Variants in TMEM268 observed in about 807,000 individuals in gnomAD.
TMEM268 encodes transmembrane protein C9orf91.
Under a neutral mutation model 39.1 loss-of-function variants are expected in TMEM268, and 24 were observed. The ratio of observed to expected loss-of-function variants is 0.61; its 90% confidence interval spans 0.44 to 0.86. The LOEUF is 0.86. Among genes scored for constraint, TMEM268 ranks in the 40% least tolerant of loss-of-function variants. The probability of loss-of-function intolerance (pLI) is 0.00; values close to 1 mark genes in which losing one functional copy is unlikely to be tolerated. For synonymous variants in TMEM268, 176 were observed against 173.5 expected (o/e 1.01, Z -0.12); for missense variants, 409 against 428.6 (o/e 0.95, Z 0.40).
At chr9:114,637,429 A>T (rs1344236911) in intron 7 of TMEM268, among the ~76,000 whole-genome samples, 1 of 151,678 alleles carries the variant, frequency 6.6e-6, no homozygotes, top group African/African-American at 2.4e-5. Flanking sequence ...AGTAGCTGGA[A>T]TTACAGGTGC....
Position 114,611,346 on chromosome 9 carries a change from C to T in TMEM268, c.-297C>T, listed in dbSNP as rs1337921086. On this transcript the variant is annotated 5_prime_UTR_variant, in exon 1 of 9. Coordinates refer to ENST00000288502, the MANE Select transcript of TMEM268 (RefSeq NM_153045.4). ...CGCGGGCCCGGGAGGCGCGTTCCCT[C>T]TTGGCCCCAAAGCGAGTCCGGCGGG... 6.6e-6 allele frequency: 1 copy of T among 152,024 alleles called. No individual in the cohort carries two copies. Among genetic ancestry groups the T allele is most frequent in the Non-Finnish European group, 1.5e-5 (1 of 67,928 alleles). The allele number at this position is 152,024 out of a possible 1,614,324, so 9.4% of individuals were successfully genotyped here. A position where few individuals can be genotyped will look rare whatever the true frequency, so the allele number is the denominator to read the frequency against.
At chr9:114,622,618 C>A in intron 2 of TMEM268, 1 of 524,916 alleles carries the variant, frequency 1.9e-6, no homozygotes, top group Non-Finnish European at 2.4e-6. Context: ...AGGGCGGGGG[C>A]TTTGGTAGCA....
intron 8 of TMEM268, among the ~76,000 whole-genome samples, chr9:114,641,621 GC>G (rs1827341066): frequency 6.6e-6 from 1 of 152,006 alleles, no homozygotes; most frequent in African/African-American, 2.4e-5. Flanking sequence ...ACCAGCCTGA[GC>G]AACATAGTAA....
chr9:114,621,245 T>C (rs117350011), intron 2 of TMEM268, among the ~76,000 whole-genome samples: 5,797 of 151,528 alleles, frequency 0.038, 191 homozygotes, highest in East Asian at 0.1. Context: ...CTTGGGAGGC[T>C]GACGTGGGAG....
chr9:114,628,391 A>G, intron 5 of TMEM268, 141 bp downstream of exon 5: 1 of 880,494 alleles, frequency 1.1e-6, no homozygotes, highest in African/African-American at 1.7e-5. Context: ...AGTGACTAAA[A>G]GAAATCAAAT....
chr9:114,616,495 A>T (rs987408335), intron 1 of TMEM268, among the ~76,000 whole-genome samples: 4 of 151,830 alleles, frequency 2.6e-5, no homozygotes, highest in Non-Finnish European at 5.9e-5. Context: ...CCTCCTGAGT[A>T]GCTGGGATTA....
Position 114,626,985 on chromosome 9 carries a change from T to C in TMEM268, c.303T>C (p.Pro101=), listed in dbSNP as rs142772339. The C allele has an allele frequency of 4.6e-4, 747 of 1,612,596 alleles. 7 individuals are homozygous for C. The East Asian group carries it at 0.016, about 34-fold the overall frequency. ...GATATATCATCTACAACTCGAGGCC[T>C]ATGCGGCTGGCCTTTGCTGTGGTAA... is the stretch of plus-strand genomic sequence containing the variant. ...VRRYIIYNSR[P]MRLAFAVVFY... is the part of the protein sequence containing the mutation. Residue 101 remains proline, a synonymous_variant, in exon 4 of 9, where the codon CCT becomes CCC. Transcript: ENST00000288502.
At chr9:114,623,625 G>T (rs1846033888) in intron 2 of TMEM268, among the ~76,000 whole-genome samples, 1 of 152,106 alleles carries the variant, frequency 6.6e-6, no homozygotes, top group South Asian at 2.1e-4. Context: ...CTCCCTCCAT[G>T]GTCAAAGCGA....
chr9:114,625,455 T>G (rs1846118363), intron 3 of TMEM268, among the ~76,000 whole-genome samples: 1 of 151,160 alleles, frequency 6.6e-6, no homozygotes, highest in Non-Finnish European at 1.5e-5. Context: ...TTTTTTTTTT[T>G]TTTTTTCAAG....
chr9:114,640,576 G>GC (rs1846861097), intron 8 of TMEM268, among the ~76,000 whole-genome samples: 1 of 152,214 alleles, frequency 6.6e-6, no homozygotes, highest in South Asian at 2.1e-4. Flanking sequence ...AGTGCAGTAA[G>GC]CCCATGGCAG....
chr9:114,640,591 C>T (rs1156396059), intron 8 of TMEM268, among the ~76,000 whole-genome samples: 1 of 152,234 alleles, frequency 6.6e-6, no homozygotes, highest in Non-Finnish European at 1.5e-5. Flanking sequence ...TGGCAGAAGC[C>T]AGCCCTGCTG....
At chr9:114,612,061 A>C (rs988640824) in intron 1 of TMEM268, among the ~76,000 whole-genome samples, 1 of 152,138 alleles carries the variant, frequency 6.6e-6, no homozygotes, top group Non-Finnish European at 1.5e-5. Flanking sequence ...GCTCGGACTC[A>C]TTGTGTCTCA....
In TMEM268 at chr9:114,633,835, TG is replaced by T. The variant is rs2133686220; in HGVS notation, c.547del (p.Val183Ter). The T allele has an allele frequency of 6.2e-7, 1 of 1,607,878 alleles. No individual in the cohort carries two copies. Among genetic ancestry groups the T allele is most frequent in the Non-Finnish European group, 8.5e-7 (1 of 1,177,084 alleles). ...GCCCTCCTGAGACACCGGGTGCTGCTGGGGGTGACAGACACAGTGGAAGGAT... is the reference window on the plus strand; with the variant it reads ...GCCCTCCTGAGACACCGGGTGCTGCTGGGGTGACAGACACAGTGGAAGGAT... ...NGALLRHRVL[L>X]GVTDTVEGCQ... On this transcript the variant is annotated frameshift_variant, in exon 6 of 9. Coordinates refer to ENST00000288502, the MANE Select transcript of TMEM268 (RefSeq NM_153045.4). LOFTEE classifies it high-confidence loss of function.
In TMEM268 at chr9:114,624,385, A is replaced by G. The variant is rs1846072545; in HGVS notation, c.142A>G (p.Ile48Val). The change falls in exon 3 of 9, where the codon ATT (isoleucine) becomes GTT (valine). Residue 48 changes from isoleucine (I) to valine (V), a missense_variant. Coordinates refer to ENST00000288502, the MANE Select transcript of TMEM268 (RefSeq NM_153045.4). ...HNGQVLTVLR[I>V]DNTCAPISFD... is the part of the protein sequence containing the mutation. ...TGGCCAGGTCCTCACTGTTCTCCGG[A>G]TTGACAATACCTGTGCACCCATCTC... is the stretch of plus-strand genomic sequence containing the variant. 2 of 1,604,246 alleles carry G rather than the reference A, an allele frequency of 1.2e-6. No individual in the cohort carries two copies.
chr9:114,627,038 G>A, intron 4 of TMEM268, 32 bp downstream of exon 4: 1 of 1,460,364 alleles, frequency 6.8e-7, no homozygotes, highest in South Asian at 1.1e-5. Context: ...CACTGACCCT[G>A]CCCTGACAGC....
At position 114,611,581 on chromosome 9, in the gene TMEM268, C is replaced by A; in HGVS notation, c.-79+17C>A. The A allele has an allele frequency of 6.3e-6, 1 of 157,938 alleles. No homozygotes were observed. The highest frequency in any genetic ancestry group is 1.4e-5 in the Non-Finnish European group (1 of 73,878). The allele number at this position is 157,938 out of a possible 1,614,324, so 9.8% of individuals were successfully genotyped here. On this transcript the variant is annotated intron_variant, in intron 1 of 8. Transcript: ENST00000288502. The stretch of plus-strand genomic sequence containing the variant: ...GCGCGGGCGGTGAGTGTGCGCGGGC[C>A]CGGGCGCGCGCCCGTGTCCTGCGAT...
At chr9:114,604,263 G>A in the TMEM268 span, among the ~76,000 whole-genome samples, 4 of 152,022 alleles carry the variant, frequency 2.6e-5, no homozygotes, top group African/African-American at 9.7e-5. Flanking sequence ...GCAATTTTAT[G>A]TCATGTAAAC....
intron 3 of TMEM268, among the ~76,000 whole-genome samples, chr9:114,625,224 C>A (rs908985597): frequency 6.6e-6 from 1 of 152,080 alleles, no homozygotes; most frequent in Non-Finnish European, 1.5e-5. Context: ...GCTTGAGGAA[C>A]CCTGGCATTG....
chr9:114,633,965 A>G (rs1046230465), intron 6 of TMEM268, 87 bp downstream of exon 6: 2 of 712,226 alleles, frequency 2.8e-6, no homozygotes, highest in African/African-American at 3.6e-5. Flanking sequence ...CTCCCAGCCT[A>G]CACAGTGTTT....
Sources: gnomAD v4.1 joint callset for allele counts (sites outside exome capture counted in the v4.1 genomes callset) on GRCh38, gnomAD v4.1.1 for gene constraint, MANE v1.5 for transcripts, NCBI Gene and HGNC (gene_info 2026-07-23, HGNC 2026-07-21) for gene names.